Variants in TBL1XR1 observed in about 807,000 individuals in gnomAD.
TBL1XR1 encodes TBL1X/Y related 1.
A neutral mutation model predicts 66.9 loss-of-function variants in TBL1XR1; 5 were observed. The observed-to-expected ratio is 0.07, with a 90% CI of 0.04 to 0.16. TBL1XR1 has a LOEUF of 0.16. Ranked by LOEUF, TBL1XR1 falls within the 10% of genes least tolerant of loss-of-function variation. The probability of loss-of-function intolerance (pLI) is 1.00; values close to 1 mark genes in which losing one functional copy is unlikely to be tolerated. For synonymous variants in TBL1XR1, 210 were observed against 206.0 expected (o/e 1.02, Z -0.17); for missense variants, 238 against 623.2 (o/e 0.38, Z 6.58).
chr3:177,187,903 A>G (rs932834465), intron 1 of TBL1XR1, among the ~76,000 whole-genome samples: 2 of 148,558 alleles, frequency 1.3e-5, no homozygotes, highest in Non-Finnish European at 2.9e-5. Flanking sequence ...AACATTTAAA[A>G]AGAAAAAAAA....
chr3:177,180,266 A>G (rs1214900213), intron 1 of TBL1XR1, among the ~76,000 whole-genome samples: 4 of 146,298 alleles, frequency 2.7e-5, no homozygotes, highest in Non-Finnish European at 6.0e-5. Context: ...AAGCATACCC[A>G]CTACAAGAAA....
intron 2 of TBL1XR1, among the ~76,000 whole-genome samples, chr3:177,068,383 T>C (rs1027091224): frequency 6.6e-6 from 1 of 152,132 alleles, no homozygotes; most frequent in African/African-American, 2.4e-5. Flanking sequence ...CAAAAGCAAA[T>C]CCAAAATTAG....
At chr3:177,120,171 T>C (rs1726817907) in intron 1 of TBL1XR1, among the ~76,000 whole-genome samples, 1 of 152,126 alleles carries the variant, frequency 6.6e-6, no homozygotes, top group Admixed American at 6.5e-5. Context: ...AGTATAGGTC[T>C]TTACCTCCAG....
intron 1 of TBL1XR1, among the ~76,000 whole-genome samples, chr3:177,139,373 G>T (rs1729364208): frequency 6.6e-6 from 1 of 151,832 alleles, no homozygotes; most frequent in Non-Finnish European, 1.5e-5. Context: ...AGAAAAAAGA[G>T]ACAATACAAA....
chr3:177,154,473 T>G (rs560077130), intron 1 of TBL1XR1, among the ~76,000 whole-genome samples: 4 of 152,134 alleles, frequency 2.6e-5, no homozygotes, highest in Non-Finnish European at 5.9e-5. Flanking sequence ...CTCAGCTCAC[T>G]GCAACTTGTA....
intron 1 of TBL1XR1, among the ~76,000 whole-genome samples, chr3:177,135,204 G>A (rs921763980): frequency 2.3e-4 from 34 of 149,264 alleles, no homozygotes; most frequent in Non-Finnish European, 3.4e-4. Flanking sequence ...GTTTCGCCAC[G>A]TTGGCCAGAC....
chr3:177,135,634 G>A (rs902812078), intron 1 of TBL1XR1, among the ~76,000 whole-genome samples: 7 of 151,068 alleles, frequency 4.6e-5, no homozygotes, highest in Non-Finnish European at 8.9e-5. Context: ...CGCCCGCCTC[G>A]GCCTCCCAAA....
intron 1 of TBL1XR1, among the ~76,000 whole-genome samples, chr3:177,194,419 C>T (rs1180350657): frequency 3.9e-5 from 6 of 152,238 alleles, no homozygotes; most frequent in Admixed American, 1.3e-4. Flanking sequence ...TCTCCCCTGA[C>T]TTCCTACCAT....
intron 1 of TBL1XR1, among the ~76,000 whole-genome samples, chr3:177,102,298 T>A (rs561052597): frequency 6.6e-6 from 1 of 152,206 alleles, no homozygotes; most frequent in Admixed American, 6.5e-5. Flanking sequence ...ATTCTAGGAT[T>A]TGAAGGGTGA....
chr3:177,080,531 A>G (rs1721266110), intron 2 of TBL1XR1, among the ~76,000 whole-genome samples: 1 of 152,208 alleles, frequency 6.6e-6, no homozygotes, highest in South Asian at 2.1e-4. Flanking sequence ...TGTGTTAATG[A>G]GCATATTTTC....
chr3:177,175,482 C>T (rs1434960278), intron 1 of TBL1XR1, among the ~76,000 whole-genome samples: 2 of 152,116 alleles, frequency 1.3e-5, no homozygotes, highest in Non-Finnish European at 2.9e-5. Context: ...AAATTGAGAA[C>T]GTGCCTGGAA....
intron 1 of TBL1XR1, among the ~76,000 whole-genome samples, chr3:177,194,620 GA>G (rs1736589176): frequency 6.6e-6 from 1 of 152,100 alleles, no homozygotes; most frequent in African/African-American, 2.4e-5. Context: ...TGCACTGATA[GA>G]TTTAATCAAC....
chr3:177,081,648 G>A (rs1355518997), intron 2 of TBL1XR1, among the ~76,000 whole-genome samples: 1 of 151,354 alleles, frequency 6.6e-6, no homozygotes, highest in Non-Finnish European at 1.5e-5. Flanking sequence ...TGGGGTGGGA[G>A]GACCACTTGA....
chr3:177,071,094 G>C (rs985784421), intron 2 of TBL1XR1, among the ~76,000 whole-genome samples: 1 of 141,076 alleles, frequency 7.1e-6, no homozygotes, highest in East Asian at 2.2e-4. Flanking sequence ...GTGGTGGTGC[G>C]ATCTCGGCTC....
intron 1 of TBL1XR1, among the ~76,000 whole-genome samples, chr3:177,103,533 G>GT (rs1226971412): frequency 6.6e-6 from 1 of 152,122 alleles, no homozygotes; most frequent in Admixed American, 6.5e-5. Flanking sequence ...CAATTAGGAA[G>GT]TTTTTTTAAC....
chr3:177,191,381 C>CA, intron 1 of TBL1XR1, among the ~76,000 whole-genome samples: 1 of 152,200 alleles, frequency 6.6e-6, no homozygotes, highest in East Asian at 1.9e-4. Context: ...ATTGAGAAGA[C>CA]AGACTGCTAG....
intron 12 of TBL1XR1, among the ~76,000 whole-genome samples, chr3:177,034,815 T>G (rs1041528749): frequency 7.4e-5 from 11 of 148,796 alleles, no homozygotes; most frequent in Non-Finnish European, 1.6e-4. Context: ...AAAAAAAAAG[T>G]AGAAAAAAGT....
upstream of TBL1XR1, among the ~76,000 whole-genome samples, chr3:177,198,461 G>C (rs1323832322): frequency 6.6e-6 from 1 of 152,208 alleles, no homozygotes; most frequent in African/African-American, 2.4e-5. Context: ...TTTTGCATGT[G>C]TGAAGCACAG....
chr3:177,197,052 CCTCTGG>C (rs1736959508), intron 1 of TBL1XR1, 63 bp downstream of exon 1: 1 of 151,814 alleles, frequency 6.6e-6, no homozygotes, highest in East Asian at 2.0e-4. Flanking sequence ...CCCCCGGCCG[CCTCTGG>C]CCCGCGCCCC....
Sources: gnomAD v4.1 joint callset for allele counts (sites outside exome capture counted in the v4.1 genomes callset) on GRCh38, gnomAD v4.1.1 for gene constraint, MANE v1.5 for transcripts, NCBI Gene and HGNC (gene_info 2026-07-23, HGNC 2026-07-21) for gene names.